PGM3: variants seen among roughly 807,000 people sequenced by gnomAD.
The protein encoded by PGM3 is phosphoacetylglucosamine mutase.
A neutral mutation model predicts 66.2 loss-of-function variants in PGM3; 40 were observed. That is an observed-to-expected ratio of 0.60 (90% CI 0.47 to 0.79). PGM3 has a LOEUF of 0.79. Ranked by LOEUF, PGM3 falls within the 30% of genes least tolerant of loss-of-function variation. The pLI, the probability that PGM3 is intolerant of heterozygous loss-of-function variation, is 0.00. For synonymous variants in PGM3, 191 were observed against 224.2 expected, an observed-to-expected ratio of 0.85 and a Z score of 1.32; for missense variants, 537 against 643.4, an observed-to-expected ratio of 0.83 and a Z score of 1.79.
At position 83,179,979 on chromosome 6, in the gene PGM3, G is replaced by T. The variant is rs1428775258; in HGVS notation, c.788-12C>A. On this transcript the variant is annotated splice_polypyrimidine_tract_variant and intron_variant, in intron 6 of 12. Coordinates refer to ENST00000513973, the MANE Select transcript of PGM3 (RefSeq NM_015599.3). ...CTTAATTTCCATTCCTAGCACACAG[G>T]ATAATTTAACATGCATTTCAGTCTA... 4 of 1,585,292 alleles carry T rather than the reference G, an allele frequency of 2.5e-6. No individual in the cohort carries two copies. Among genetic ancestry groups the T allele is most frequent in the South Asian group, 1.2e-5 (1 of 86,048 alleles).
chr6:83,165,243 TAAGAAAGA>T lies in PGM3; in HGVS notation c.*3983_*3990del, dbSNP rs529455985. 3 of 152,514 alleles carry T rather than the reference TAAGAAAGA, an allele frequency of 2.0e-5. No homozygotes were observed. The highest frequency in any genetic ancestry group is 4.8e-5 in the African/African-American group (2 of 41,396). 9.4% of individuals were successfully genotyped at this position (152,514 alleles called of 1,614,324 possible). On this transcript the variant is annotated 3_prime_UTR_variant, in exon 13 of 13. Transcript: ENST00000513973. Reference sequence around the variant, plus strand: ...CTCTCATTGGTGCCAGTGTCATAGTTAAGAAAGAAAGAAAGAAAGTTTTATATATCCTG... The same window carrying T: ...CTCTCATTGGTGCCAGTGTCATAGTTAAGAAAGAAAGTTTTATATATCCTG...
intron 11 of PGM3, 104 bp downstream of exon 11, chr6:83,171,833 A>G: frequency 1.1e-6 from 1 of 926,656 alleles, no homozygotes; most frequent in Non-Finnish European, 1.7e-6. Context: ...GTGTATGTAC[A>G]GAATGAAATA....
At chr6:83,182,590 C>T (rs549655273) in intron 5 of PGM3, among the ~76,000 whole-genome samples, 2 of 152,296 alleles carry the variant, frequency 1.3e-5, no homozygotes, top group African/African-American at 4.8e-5. Flanking sequence ...ATGATACCAT[C>T]GTCAAGACCC....
the PGM3 span, chr6:83,152,005 C>T: frequency 1.2e-6 from 2 of 1,613,700 alleles, no homozygotes; most frequent in Non-Finnish European, 8.5e-7. Flanking sequence ...TAGATGGAAC[C>T]AATTTGGAAT....
downstream of PGM3, among the ~76,000 whole-genome samples, chr6:83,157,770 C>T (rs548969168): frequency 3.3e-5 from 5 of 152,258 alleles, no homozygotes; most frequent in South Asian, 1.0e-3. Context: ...TTCAGAGAGA[C>T]TTTCACAAAG....
In PGM3 at chr6:83,172,078, A is replaced by G; in HGVS notation, c.1243-19T>C. On this transcript the variant is annotated intron_variant, in intron 10 of 12. Coordinates refer to ENST00000513973, the MANE Select transcript of PGM3 (RefSeq NM_015599.3). ...CAGCTGCCTGCAAATGGGGAAACAA[A>G]TGGAAGAAACCACTTAACACAAGCA... 2.5e-6 allele frequency: 4 copies of G among 1,613,108 alleles called. No homozygotes were observed. The highest frequency in any genetic ancestry group is 3.4e-6 in the Non-Finnish European group (4 of 1,179,502).
At chr6:83,188,018 T>C (rs567086876) in intron 3 of PGM3, among the ~76,000 whole-genome samples, 1 of 152,296 alleles carries the variant, frequency 6.6e-6, no homozygotes, top group East Asian at 1.9e-4. Context: ...GTATTGGAGA[T>C]TGAGTAGAAA....
At chr6:83,160,053 A>G (rs1226943494), downstream of PGM3, 4 of 1,193,292 alleles carry the variant, frequency 3.4e-6, no homozygotes, top group African/African-American at 4.6e-5. Context: ...TTTTTTGTGT[A>G]AGTTGAAATA....
rs1786503878 is a variant in PGM3 at position 83,169,096 on chromosome 6, G to C, written c.*138C>G. ...AAAGAATTATTCTGTTAGTGTTTAA[G>C]AAAAACAGATCTAGAGACAATCCAG... On this transcript the variant is annotated 3_prime_UTR_variant, in exon 13 of 13. Coordinates refer to ENST00000513973, the MANE Select transcript of PGM3 (RefSeq NM_015599.3). 1 of 1,451,514 alleles carries C rather than the reference G, an allele frequency of 6.9e-7. No individual in the cohort carries two copies. The highest frequency in any genetic ancestry group is 9.0e-7 in the Non-Finnish European group (1 of 1,106,508). 89.9% of individuals were successfully genotyped at this position (1,451,514 alleles called of 1,614,324 possible). A position where few individuals can be genotyped will look rare whatever the true frequency, so the allele number is the denominator to read the frequency against.
chr6:83,172,643 A>G (rs1204579456), intron 10 of PGM3, among the ~76,000 whole-genome samples: 3 of 152,076 alleles, frequency 2.0e-5, no homozygotes, highest in Non-Finnish European at 4.4e-5. Context: ...TGGGCAACAG[A>G]GCGAGACTCC....
At chr6:83,151,954 G>A in the PGM3 span, 1 of 1,613,916 alleles carries the variant, frequency 6.2e-7, no homozygotes, top group East Asian at 2.2e-5. Flanking sequence ...CAACATGGCT[G>A]CGACGAAATC....
At chr6:83,152,211 T>TACAC in the PGM3 span, 41 of 698,710 alleles carry the variant, frequency 5.9e-5, no homozygotes, top group Middle Eastern at 3.6e-4. Flanking sequence ...ATAAAAATAA[T>TACAC]ACACACACAC....
At chr6:83,156,266 C>G (rs549411974), downstream of PGM3, among the ~76,000 whole-genome samples, 2 of 152,104 alleles carry the variant, frequency 1.3e-5, no homozygotes, top group African/African-American at 4.8e-5. Flanking sequence ...ATGCTGGCAT[C>G]TAAAAGAAAT....
At chr6:83,190,336 GAACT>G (rs1212671364) in intron 2 of PGM3, among the ~76,000 whole-genome samples, 2 of 152,114 alleles carry the variant, frequency 1.3e-5, no homozygotes, top group African/African-American at 2.4e-5. Flanking sequence ...ACAAAGACTA[GAACT>G]ATCAGGCGTC....
intron 4 of PGM3, among the ~76,000 whole-genome samples, chr6:83,183,589 C>T (rs1788352844): frequency 6.6e-6 from 1 of 152,156 alleles, no homozygotes; most frequent in Admixed American, 6.5e-5. Context: ...CCCATGTCAC[C>T]ATTCCCAGGA....
intron 4 of PGM3, among the ~76,000 whole-genome samples, chr6:83,185,580 G>A (rs1788516437): frequency 6.6e-6 from 1 of 152,108 alleles, no homozygotes; most frequent in Non-Finnish European, 1.5e-5. Context: ...TGGCCAACAT[G>A]ATGAAACGCC....
chr6:83,152,251 G>A, the PGM3 span: 1 of 1,233,690 alleles, frequency 8.1e-7, no homozygotes, highest in Non-Finnish European at 1.1e-6. Context: ...ATTTTCAGTG[G>A]GAATTAGCCA....
intron 8 of PGM3, 49 bp from the exon 9 acceptor site, chr6:83,176,109 T>C (rs764223029): frequency 1.7e-5 from 18 of 1,030,124 alleles, no homozygotes; most frequent in Non-Finnish European, 2.8e-5. Context: ...AGATGTCAAA[T>C]GTTTCTTGCA....
At chr6:83,173,305 C>A (rs1425114604) in intron 10 of PGM3, among the ~76,000 whole-genome samples, 1 of 152,146 alleles carries the variant, frequency 6.6e-6, no homozygotes, top group Non-Finnish European at 1.5e-5. Flanking sequence ...ACAAAGAATA[C>A]TGAAACTAGC....
Sources: gnomAD v4.1 joint callset for allele counts (sites outside exome capture counted in the v4.1 genomes callset) on GRCh38, gnomAD v4.1.1 for gene constraint, MANE v1.5 for transcripts, NCBI Gene and HGNC (gene_info 2026-07-23, HGNC 2026-07-21) for gene names.